The following LHX9 variants were observed in gnomAD, a reference collection of about 807,000 sequenced individuals.
LHX9 encodes the protein LIM homeobox 9, also known as LIM/homeobox protein Lhx9.
LHX9 carries 9 observed loss-of-function variants against 36.5 expected under a neutral mutation model. That is an observed-to-expected ratio of 0.25 (90% CI 0.15 to 0.43). LHX9 has a LOEUF of 0.43. LHX9 is among the 20% of genes least tolerant of loss of function. The pLI is 1.00. For missense variants in LHX9, 464 were observed against 526.4 expected (o/e 0.88, Z 1.16); for synonymous variants, 211 against 212.1 (o/e 0.99, Z 0.04).
At position 197,934,267 on chromosome 1, in the gene LHX9, A is replaced by G. The variant is rs1660398084; in HGVS notation, c.*5008A>G. 6.6e-6 allele frequency: 1 copy of G among 151,188 alleles called. No homozygotes were observed. The highest frequency in any genetic ancestry group is 1.5e-5 in the Non-Finnish European group (1 of 67,618). The allele number at this position is 151,188 out of a possible 1,614,324, so 9.4% of individuals were successfully genotyped here. A position where few individuals can be genotyped will look rare whatever the true frequency, so the allele number is the denominator to read the frequency against. Reference sequence around the variant, plus strand: ...TTGGGAGTCAAAGTATTGTTTTTTTATTAGCCACATATAAATATCATCTCA... The same window carrying G: ...TTGGGAGTCAAAGTATTGTTTTTTTGTTAGCCACATATAAATATCATCTCA... On this transcript the variant is annotated 3_prime_UTR_variant, in exon 5 of 5. Coordinates refer to ENST00000367387, the MANE Select transcript of LHX9 (RefSeq NM_020204.3).
At chr1:197,916,615 T>C (rs1659764240), upstream of LHX9, 1 of 702,454 alleles carries the variant, frequency 1.4e-6, no homozygotes, top group South Asian at 1.5e-5. Flanking sequence ...TACAGGTCCA[T>C]GCCCTGTCCC....
intron 1 of LHX9, chr1:197,918,336 C>T (rs924341073): frequency 1.4e-6 from 1 of 717,310 alleles, no homozygotes; most frequent in Non-Finnish European, 2.6e-6. Context: ...GGCGAGGATC[C>T]GCAGCTCCGA....
intron 1 of LHX9, chr1:197,918,367 A>C: frequency 1.4e-6 from 1 of 717,352 alleles, no homozygotes. Flanking sequence ...GGCATAAGCA[A>C]TAGGAGGACG....
Position 197,921,713 on chromosome 1 carries a change from C to T in LHX9, c.733+54C>T, listed in dbSNP as rs962964983. ...AGCCCCGGCCTCCCTGAGGAAAATTCGTAGAGCTCCTTCCCCGTCCAAAGT... is the reference window on the plus strand; with the variant it reads ...AGCCCCGGCCTCCCTGAGGAAAATTTGTAGAGCTCCTTCCCCGTCCAAAGT... On this transcript the variant is annotated intron_variant, in intron 3 of 4. Transcript: ENST00000367387. This position sits in a 1 kb window ranked among gnomAD's most constrained non-coding sequence, Gnocchi z 4.6. The T allele has an allele frequency of 1.4e-6, 2 of 1,396,466 alleles. No homozygotes were observed. Among genetic ancestry groups the T allele is most frequent in the Non-Finnish European group, 1.9e-6 (2 of 1,041,288 alleles). 86.5% of individuals were successfully genotyped at this position (1,396,466 alleles called of 1,614,324 possible). A position where few individuals can be genotyped will look rare whatever the true frequency, so the allele number is the denominator to read the frequency against.
At position 197,932,398 on chromosome 1, in the gene LHX9, C is replaced by A. The variant is rs753169433; in HGVS notation, c.*3139C>A. 3.2e-5 allele frequency: 5 copies of A among 156,920 alleles called. No individual in the cohort carries two copies. Among genetic ancestry groups the A allele is most frequent in the Non-Finnish European group, 7.0e-5 (5 of 70,942 alleles). The allele number at this position is 156,920 out of a possible 1,614,324, so 9.7% of individuals were successfully genotyped here. A position where few individuals can be genotyped will look rare whatever the true frequency, so the allele number is the denominator to read the frequency against. On this transcript the variant is annotated 3_prime_UTR_variant, in exon 5 of 5. Coordinates refer to ENST00000367387, the MANE Select transcript of LHX9 (RefSeq NM_020204.3). Reference sequence around the variant, plus strand: ...CTGTAAATTCAAAGAAAAGCTATCACCCATTTAAGAGTATAGGGATCAAAC... The same window carrying A: ...CTGTAAATTCAAAGAAAAGCTATCAACCATTTAAGAGTATAGGGATCAAAC...
intron 1 of LHX9, among the ~76,000 whole-genome samples, chr1:197,919,516 A>T (rs1659898186): frequency 6.6e-6 from 1 of 152,232 alleles, no homozygotes; most frequent in African/African-American, 2.4e-5. Context: ...TGCTTATAAG[A>T]ATTTAGAGAA....
chr1:197,928,898 A>AG, intron 4 of LHX9, 104 bp from the exon 5 acceptor site: 1 of 1,335,530 alleles, frequency 7.5e-7, no homozygotes, highest in Admixed American at 3.3e-5. Context: ...TATATCAAAA[A>AG]AAAAAAAGAA....
At chr1:197,927,527 C>A in intron 3 of LHX9, 64 bp from the exon 4 acceptor site, 1 of 1,373,018 alleles carries the variant, frequency 7.3e-7, no homozygotes, top group Non-Finnish European at 1.0e-6. Context: ...ATACAGCCTG[C>A]CATCATGTCA....
At chr1:197,923,501 G>GAGAC (rs1467383947) in intron 3 of LHX9, among the ~76,000 whole-genome samples, 3 of 151,512 alleles carry the variant, frequency 2.0e-5, no homozygotes, top group Admixed American at 6.6e-5. Flanking sequence ...TTCCCAGAGA[G>GAGAC]AGAGAGAGAG....
At chr1:197,918,664 T>A (rs1472581728) in intron 1 of LHX9, 2 of 446,632 alleles carry the variant, frequency 4.5e-6, no homozygotes, top group Non-Finnish European at 8.0e-6. Flanking sequence ...TCGAAACGCA[T>A]GAACTTTATA....
rs757876281 is a variant in LHX9, at chr1:197,929,276, T to C, written c.*17T>C. 9 of 1,354,718 alleles carry C rather than the reference T, an allele frequency of 6.6e-6. No homozygotes were observed. Among genetic ancestry groups the C allele is most frequent in the African/African-American group, 1.5e-5 (1 of 66,698 alleles). The allele number at this position is 1,354,718 out of a possible 1,614,324, so 83.9% of individuals were successfully genotyped here. On this transcript the variant is annotated 3_prime_UTR_variant, in exon 5 of 5. Transcript: ENST00000367387. ...CTTTTCTAACATTGGTTTTTTTTTTTTAGTTTTTAAATTCTTCCTCTTCTT... is the reference window on the plus strand; with the variant it reads ...CTTTTCTAACATTGGTTTTTTTTTTCTAGTTTTTAAATTCTTCCTCTTCTT...
intron 4 of LHX9, among the ~76,000 whole-genome samples, chr1:197,928,767 A>G (rs1433803835): frequency 6.6e-6 from 1 of 152,136 alleles, no homozygotes; most frequent in Admixed American, 6.5e-5. Flanking sequence ...AGGGTGGAAT[A>G]AGTGCAGTTG....
chr1:197,929,674 ATTAG>A lies in LHX9; in HGVS notation c.*419_*422del, dbSNP rs1660271117. ...AGGTTAATAAAGAACCAGATAATTA[ATTAG>A]TTACTTTTTAAATCTTGCAATTGTA... On this transcript the variant is annotated 3_prime_UTR_variant, in exon 5 of 5. Coordinates refer to ENST00000367387, the MANE Select transcript of LHX9 (RefSeq NM_020204.3). 7 of 917,608 alleles carry A rather than the reference ATTAG, an allele frequency of 7.6e-6. No homozygotes were observed. Among genetic ancestry groups the A allele is most frequent in the Non-Finnish European group, 9.1e-6 (7 of 768,338 alleles). 56.8% of individuals were successfully genotyped at this position (917,608 alleles called of 1,614,324 possible). A position where few individuals can be genotyped will look rare whatever the true frequency, so the allele number is the denominator to read the frequency against.
chr1:197,928,864 CAAT>C, intron 4 of LHX9, 135 bp from the exon 5 acceptor site: 1 of 952,944 alleles, frequency 1.0e-6, no homozygotes, highest in East Asian at 3.1e-5. Flanking sequence ...GAAAGACAAA[CAAT>C]GATATTTAAA....
At chr1:197,919,807 G>A (rs925683325) in intron 1 of LHX9, among the ~76,000 whole-genome samples, 165 bp from the exon 2 acceptor site, 7 of 152,246 alleles carry the variant, frequency 4.6e-5, no homozygotes, top group African/African-American at 1.7e-4. Flanking sequence ...GGGCCGCAAA[G>A]AGAGAAATCA....
chr1:197,912,825 C>T (rs1055091441), upstream of LHX9: 1 of 533,456 alleles, frequency 1.9e-6, no homozygotes, highest in South Asian at 2.2e-5. Context: ...GGGCGCCAGG[C>T]AGAGGTCCTG....
Position 197,918,810 on chromosome 1 carries a change from G to GGGGGAA in LHX9, c.174+813_174+814insGGGGAA, listed in dbSNP as rs56670022. The stretch of plus-strand genomic sequence containing the variant: ...CAGATTACTAACGGGGGGGGGGGGG[G>GGGGGAA]ACTACAGAAGTCTCCGGAAATTATT... On this transcript the variant is annotated intron_variant, in intron 1 of 4. Coordinates refer to ENST00000367387, the MANE Select transcript of LHX9 (RefSeq NM_020204.3). The GGGGGAA allele has an allele frequency of 2.1e-4, 11 of 51,644 alleles. 1 individual carries two copies. The highest frequency in any genetic ancestry group is 6.9e-4 in the African/African-American group (11 of 15,888). 3.2% of individuals were successfully genotyped at this position (51,644 alleles called of 1,614,324 possible).
upstream of LHX9, chr1:197,912,769 G>A (rs1254031835): frequency 1.6e-6 from 1 of 622,858 alleles, no homozygotes; most frequent in Non-Finnish European, 2.9e-6. Flanking sequence ...CCCTCCTTTT[G>A]CCTTTCTCTT....
intron 4 of LHX9, 109 bp from the exon 5 acceptor site, chr1:197,928,893 C>CAAAAAAAAAAAAAAAAAAAA: frequency 2.9e-6 from 3 of 1,020,566 alleles, no homozygotes. Flanking sequence ...AAACCTATAT[C>CAAAAAAAAAAAAAAAAAAAA]AAAAAAAAAA....
Sources: gnomAD v4.1 joint callset for allele counts (sites outside exome capture counted in the v4.1 genomes callset) on GRCh38, gnomAD v4.1.1 for gene constraint, Gnocchi (gnomAD v3.1) non-coding constraint, MANE v1.5 for transcripts, NCBI Gene and HGNC (gene_info 2026-07-23, HGNC 2026-07-21) for gene names.